ERC2: variants seen among roughly 807,000 people sequenced by gnomAD.
ERC2 encodes the protein ERC protein 2.
Under a neutral mutation model 114.8 loss-of-function variants are expected in ERC2, and 42 were observed. The observed-to-expected ratio is 0.37, with a 90% CI of 0.29 to 0.47. The LOEUF is 0.47. Among genes scored for constraint, ERC2 ranks in the 20% least tolerant of loss-of-function variants. ERC2 has a pLI of 0.99. For synonymous variants in ERC2, 454 were observed against 425.5 expected, an observed-to-expected ratio of 1.07 and a Z score of -0.82; for missense variants, 939 against 1,150.7, an observed-to-expected ratio of 0.82 and a Z score of 2.66.
chr3:56,276,474 A>AAAAAAAAAC (rs1446116012), intron 3 of ERC2, among the ~76,000 whole-genome samples: 1 of 147,004 alleles, frequency 6.8e-6, no homozygotes, highest in Non-Finnish European at 1.5e-5. Context: ...AAAAAAAAAA[A>AAAAAAAAAC]AAACAAACTC....
intron 14 of ERC2, among the ~76,000 whole-genome samples, chr3:55,856,839 G>T (rs911033541): frequency 9.9e-5 from 15 of 152,076 alleles, no homozygotes; most frequent in African/African-American, 3.6e-4. Context: ...GCAATAAAAA[G>T]AAATGAAGCA....
intron 11 of ERC2, among the ~76,000 whole-genome samples, chr3:55,986,778 A>G (rs2070674770): frequency 6.6e-6 from 1 of 151,566 alleles, no homozygotes; most frequent in African/African-American, 2.4e-5. Flanking sequence ...GGTTAAAACA[A>G]TAATCTCTAT....
rs1314460668 is a variant in ERC2, at chr3:56,018,955, T to C, written c.1718A>G (p.Gln573Arg). 1 of 1,613,284 alleles carries C rather than the reference T, an allele frequency of 6.2e-7. No homozygotes were observed. Among genetic ancestry groups the C allele is most frequent in the African/African-American group, 1.3e-5 (1 of 74,888 alleles). ...TNLKDRVKSL[Q>R]TDSSNTDTAL... ...AGTATCTGTATTACTGGAATCCGTC[T>C]GCAAGGACTTCACTCTGTCTTTCAG... The change falls in exon 8 of 18, where the codon CAG becomes CGG. Residue 573 changes from glutamine to arginine, a missense_variant. By Grantham distance (43) the Gln-to-Arg change is conservative. This residue lies in a region of ERC2 where 149 missense variants were observed against 254.6 expected (regional missense o/e 0.59). Transcript: ENST00000288221.
chr3:55,738,483 T>C (rs1188368554), intron 14 of ERC2, among the ~76,000 whole-genome samples: 2 of 152,140 alleles, frequency 1.3e-5, no homozygotes, highest in Non-Finnish European at 2.9e-5. Context: ...TCTTAGCAGG[T>C]ATATAATTTG....
At chr3:56,211,027 C>T (rs1194417690) in intron 3 of ERC2, among the ~76,000 whole-genome samples, 3 of 152,096 alleles carry the variant, frequency 2.0e-5, no homozygotes, top group Non-Finnish European at 4.4e-5. Flanking sequence ...TGCTAGACTT[C>T]CAAAGCTAAA....
intron 4 of ERC2, among the ~76,000 whole-genome samples, chr3:56,168,706 G>A (rs755656740): frequency 3.4e-4 from 51 of 152,088 alleles, no homozygotes; most frequent in Non-Finnish European, 4.7e-4. Flanking sequence ...AACTAAACAG[G>A]CTAAATTTGA....
At chr3:56,007,077 G>C in intron 10 of ERC2, 104 bp downstream of exon 10, 1 of 984,564 alleles carries the variant, frequency 1.0e-6, no homozygotes, top group Non-Finnish European at 1.5e-6. Context: ...TCAGCAGACA[G>C]CAACAGATAA....
chr3:56,364,013 A>T (rs142961635), intron 2 of ERC2, among the ~76,000 whole-genome samples: 70 of 152,322 alleles, frequency 4.6e-4, no homozygotes, highest in African/African-American at 1.7e-3. Flanking sequence ...TGGTTTATAA[A>T]ACTCAGTCCA....
intron 14 of ERC2, among the ~76,000 whole-genome samples, chr3:55,859,233 G>T (rs1302968165): frequency 6.6e-6 from 1 of 152,162 alleles, no homozygotes; most frequent in Non-Finnish European, 1.5e-5. Context: ...GGGGCTCACA[G>T]TGCTTAGCTC....
At chr3:56,047,156 C>T (rs1277216557) in intron 7 of ERC2, among the ~76,000 whole-genome samples, 1 of 152,158 alleles carries the variant, frequency 6.6e-6, no homozygotes, top group African/African-American at 2.4e-5. Context: ...ATTTTTGTTT[C>T]CTATTAAGAT....
At chr3:55,915,422 C>T (rs2065036257) in intron 13 of ERC2, among the ~76,000 whole-genome samples, 1 of 151,988 alleles carries the variant, frequency 6.6e-6, no homozygotes, top group Non-Finnish European at 1.5e-5. Flanking sequence ...CTCACGAGAA[C>T]CAAGAATCAC....
At chr3:55,971,028 A>G (rs1244413673) in intron 12 of ERC2, among the ~76,000 whole-genome samples, 1 of 152,224 alleles carries the variant, frequency 6.6e-6, no homozygotes, top group Admixed American at 6.5e-5. Context: ...ATGGTGATAC[A>G]TACTATAACA....
intron 12 of ERC2, among the ~76,000 whole-genome samples, chr3:55,964,929 C>A (rs956966839): frequency 6.6e-6 from 1 of 152,212 alleles, no homozygotes; most frequent in African/African-American, 2.4e-5. Flanking sequence ...TGCCATGTGG[C>A]CTTCTACCTA....
At chr3:56,023,526 T>G (rs1297362017) in intron 7 of ERC2, among the ~76,000 whole-genome samples, 3 of 152,014 alleles carry the variant, frequency 2.0e-5, no homozygotes, top group Admixed American at 1.3e-4. Flanking sequence ...ACTCAAACCT[T>G]TAGATATCAG....
chr3:55,637,214 C>T (rs1195715771), intron 17 of ERC2, among the ~76,000 whole-genome samples: 1 of 152,192 alleles, frequency 6.6e-6, no homozygotes, highest in African/African-American at 2.4e-5. Flanking sequence ...TGTCCAAATC[C>T]TCAGAGTTGG....
intron 2 of ERC2, among the ~76,000 whole-genome samples, chr3:56,335,383 A>G (rs187018372): frequency 6.8e-4 from 104 of 152,354 alleles, no homozygotes; most frequent in Admixed American, 1.8e-3. Context: ...CCATGATTTT[A>G]CCAAAAAGAC....
At chr3:56,196,626 A>G (rs533356543) in intron 3 of ERC2, among the ~76,000 whole-genome samples, 44 of 152,152 alleles carry the variant, frequency 2.9e-4, no homozygotes, top group Non-Finnish European at 4.9e-4. Flanking sequence ...AATAGATTTT[A>G]GCTTCTAACA....
intron 5 of ERC2, among the ~76,000 whole-genome samples, chr3:56,142,460 T>C (rs999905813): frequency 6.6e-6 from 1 of 152,180 alleles, no homozygotes; most frequent in Non-Finnish European, 1.5e-5. Flanking sequence ...TCTGCTGCTT[T>C]TAAATATTTC....
At chr3:55,601,014 C>T (rs1559722893) in intron 17 of ERC2, among the ~76,000 whole-genome samples, 1 of 152,336 alleles carries the variant, frequency 6.6e-6, no homozygotes, top group East Asian at 1.9e-4. Context: ...TCTGCAGTGC[C>T]AAAGCAGGTT....
Sources: allele counts gnomAD v4.1 joint callset (sites outside exome capture counted in the v4.1 genomes callset), GRCh38; gene constraint gnomAD v4.1.1; regional missense constraint gnomAD v4.1.1; transcripts MANE v1.5; gene names NCBI Gene and HGNC (gene_info 2026-07-23, HGNC 2026-07-21).